The following UBE2H variants were observed in gnomAD, a reference collection of about 807,000 sequenced individuals.
UBE2H encodes the protein ubiquitin conjugating enzyme E2 H.
In UBE2H, 3 loss-of-function variants were observed where a neutral mutation model predicts 29.0. That is an observed-to-expected ratio of 0.10 (90% confidence interval 0.05 to 0.27). The LOEUF (loss-of-function observed/expected upper bound fraction) is 0.27, where lower values mean the gene tolerates loss of function less well. UBE2H is among the 10% of genes least tolerant of loss of function. UBE2H has a pLI of 1.00. For synonymous variants in UBE2H, 69 were observed against 82.9 expected (o/e 0.83, Z 0.91); for missense variants, 68 against 228.2 (o/e 0.30, Z 4.52).
chr7:129,891,810 C>CAAAAAA (rs60595166), intron 1 of UBE2H, among the ~76,000 whole-genome samples: 17 of 145,510 alleles, frequency 1.2e-4, no homozygotes, highest in African/African-American at 2.6e-4. Context: ...AAAACAAAAA[C>CAAAAAA]AAAAAAAAAA....
rs568679042 is a variant in UBE2H, at chr7:129,837,832, A to G, written c.427+1375T>C. 1.4e-4 allele frequency among the ~76,000 whole-genome samples: 21 copies of G among 152,338 alleles called. No homozygotes were observed. The South Asian group carries it at 3.9e-3, about 29-fold the overall frequency. On this transcript the variant is annotated intron_variant, in intron 6 of 6. Transcript: ENST00000355621. Reference sequence around the variant, plus strand: ...TAAGGAAGACAAAATGATAGCCAACATGAACATTTCCGAAGGCTAGGGGTC... The same window carrying G: ...TAAGGAAGACAAAATGATAGCCAACGTGAACATTTCCGAAGGCTAGGGGTC...
At chr7:129,911,477 TG>T (rs1806936366) in intron 1 of UBE2H, among the ~76,000 whole-genome samples, 1 of 151,798 alleles carries the variant, frequency 6.6e-6, no homozygotes, top group Admixed American at 6.6e-5. Context: ...AAAAACAGAT[TG>T]TAGTAAGAGT....
intron 1 of UBE2H, among the ~76,000 whole-genome samples, chr7:129,908,284 CTT>C (rs1383750331): frequency 6.6e-6 from 1 of 152,152 alleles, no homozygotes; most frequent in Non-Finnish European, 1.5e-5. Flanking sequence ...AATAAGAAAC[CTT>C]TGTGTCTCCC....
At chr7:129,898,384 C>A (rs1806641877) in intron 1 of UBE2H, among the ~76,000 whole-genome samples, 1 of 152,058 alleles carries the variant, frequency 6.6e-6, no homozygotes, top group South Asian at 2.1e-4. Context: ...AAGAAACCAA[C>A]CTAATCACTT....
intron 5 of UBE2H, among the ~76,000 whole-genome samples, chr7:129,841,348 CTT>C (rs1398668418): frequency 6.6e-6 from 1 of 152,162 alleles, no homozygotes; most frequent in Non-Finnish European, 1.5e-5. Flanking sequence ...AGAGGTGGCT[CTT>C]ATCACTGTAA....
At chr7:129,867,713 A>AG (rs1805935843) in intron 3 of UBE2H, among the ~76,000 whole-genome samples, 1 of 88,716 alleles carries the variant, frequency 1.1e-5, no homozygotes, top group Non-Finnish European at 2.3e-5. Context: ...AAAAAAAAAA[A>AG]AAAAGAAAAC....
chr7:129,922,664 A>T (rs1175626472), intron 1 of UBE2H, among the ~76,000 whole-genome samples: 3 of 152,250 alleles, frequency 2.0e-5, no homozygotes, highest in Non-Finnish European at 4.4e-5. Flanking sequence ...CTCAGCCAAA[A>T]ATATGAGATA....
intron 6 of UBE2H, among the ~76,000 whole-genome samples, chr7:129,836,180 T>G (rs1440568463): frequency 1.3e-5 from 2 of 152,198 alleles, no homozygotes; most frequent in African/African-American, 4.8e-5. Flanking sequence ...TGAGAAATAT[T>G]TATTCAAACT....
chr7:129,885,629 T>C (rs1304507721), intron 1 of UBE2H, among the ~76,000 whole-genome samples: 2 of 152,212 alleles, frequency 1.3e-5, no homozygotes, highest in African/African-American at 4.8e-5. Context: ...TTTAATTATA[T>C]ATCACATCAT....
intron 3 of UBE2H, among the ~76,000 whole-genome samples, chr7:129,861,163 G>T (rs1327283201): frequency 6.6e-6 from 1 of 151,936 alleles, no homozygotes; most frequent in African/African-American, 2.4e-5. Flanking sequence ...GGCGGAGCTT[G>T]CAGTGAGCCA....
intron 5 of UBE2H, among the ~76,000 whole-genome samples, chr7:129,852,287 G>A (rs1174564640): frequency 1.3e-5 from 2 of 152,208 alleles, no homozygotes; most frequent in African/African-American, 4.8e-5. Context: ...GATGGGATAA[G>A]TGTTAAATTT....
rs57825154 is a variant in UBE2H, at chr7:129,944,715, AACACAC to A, written c.53+7782_53+7787del. On this transcript the variant is annotated intron_variant, in intron 1 of 6. Coordinates refer to ENST00000355621, the MANE Select transcript of UBE2H (RefSeq NM_003344.4). ...AACACACACGTGCGCATGCGCTCAA[AACACAC>A]ACACACACACACACACACACACACA... 8.8e-3 allele frequency among the ~76,000 whole-genome samples: 1,265 copies of A among 144,054 alleles called. 14 individuals carry two copies. Among genetic ancestry groups the A allele is most frequent in the African/African-American group, 0.027 (1,028 of 38,100 alleles). 94.5% of individuals were successfully genotyped at this position (144,054 alleles called of 152,430 possible).
chr7:129,917,899 G>A (rs149283105), intron 1 of UBE2H, among the ~76,000 whole-genome samples: 11 of 152,198 alleles, frequency 7.2e-5, no homozygotes, highest in South Asian at 2.1e-4. Flanking sequence ...CTTTGAATAC[G>A]CTCCTTAACA....
intron 6 of UBE2H, among the ~76,000 whole-genome samples, chr7:129,838,030 C>CT (rs1805362661): frequency 6.6e-6 from 1 of 152,198 alleles, no homozygotes; most frequent in South Asian, 2.1e-4. Context: ...GCAGACATTG[C>CT]TAAGTGATTC....
intron 1 of UBE2H, among the ~76,000 whole-genome samples, chr7:129,894,759 C>T (rs1584771434): frequency 1.3e-5 from 2 of 151,874 alleles, no homozygotes; most frequent in African/African-American, 4.8e-5. Flanking sequence ...AAAGTGCTGG[C>T]ATTACAGGCC....
intron 1 of UBE2H, among the ~76,000 whole-genome samples, chr7:129,898,523 T>C (rs1282083641): frequency 1.3e-5 from 2 of 152,046 alleles, no homozygotes; most frequent in African/African-American, 4.8e-5. Flanking sequence ...CTGAATAATA[T>C]GAAAAAAATC....
At chr7:129,896,606 T>G (rs1020293830) in intron 1 of UBE2H, among the ~76,000 whole-genome samples, 1 of 152,148 alleles carries the variant, frequency 6.6e-6, no homozygotes, top group Admixed American at 6.5e-5. Context: ...GGTCTCCTTA[T>G]GTTGCCCAGA....
rs535901557 is a variant in UBE2H, at chr7:129,894,623, G to C, written c.54-13652C>G. On this transcript the variant is annotated intron_variant, in intron 1 of 6. Transcript: ENST00000355621. ...CTGCCTCAGCCTCCCGAGTAGCTGG[G>C]ATTACAGGCACACACCACCATACCC... Among the ~76,000 whole-genome samples the C allele has an allele frequency of 9.4e-4, 143 of 151,572 alleles. 4 individuals are homozygous for C. In the South Asian group the frequency reaches 0.028, roughly 30 times the overall value.
At chr7:129,839,383 TA>T in intron 5 of UBE2H, 48 bp from the exon 6 acceptor site, 1 of 1,608,044 alleles carries the variant, frequency 6.2e-7, no homozygotes, top group Middle Eastern at 1.7e-4. Flanking sequence ...CAAGTTCACC[TA>T]AAATTCACTT....
Sources: allele counts gnomAD v4.1 joint callset (sites outside exome capture counted in the v4.1 genomes callset), GRCh38; gene constraint gnomAD v4.1.1; transcripts MANE v1.5; gene names NCBI Gene and HGNC (gene_info 2026-07-23, HGNC 2026-07-21).